GNG7: variants seen among roughly 807,000 people sequenced by gnomAD.
GNG7 encodes the protein G protein subunit gamma 7, also known as guanine nucleotide-binding protein G(I)/G(S)/G(O) subunit gamma-7.
A neutral mutation model predicts 4.0 loss-of-function variants in GNG7; 1 was observed. That is an observed-to-expected ratio of 0.25 (90% CI 0.09 to 1.18). The LOEUF (loss-of-function observed/expected upper bound fraction) is 1.18, where lower values mean the gene tolerates loss of function less well. Ranked by LOEUF, GNG7 falls within the 50% of genes most tolerant of loss-of-function variation. GNG7 has a pLI of 0.50. For missense variants in GNG7, 86 were observed against 91.9 expected, an observed-to-expected ratio of 0.94 and a Z score of 0.26; for synonymous variants, 34 against 36.9, an observed-to-expected ratio of 0.92 and a Z score of 0.29.
At chr19:2,579,547 C>G (rs1184620993) in intron 2 of GNG7, among the ~76,000 whole-genome samples, 1 of 152,342 alleles carries the variant, frequency 6.6e-6, no homozygotes, top group East Asian at 1.9e-4. Context: ...CCTCTGAGGT[C>G]TCCAAGTGTT....
At chr19:2,669,445 G>A (rs1306056827) in intron 1 of GNG7, among the ~76,000 whole-genome samples, 5 of 152,110 alleles carry the variant, frequency 3.3e-5, no homozygotes, top group Non-Finnish European at 7.4e-5. Flanking sequence ...AGCCGGGATC[G>A]TGCCACTGCA....
At position 2,644,380 on chromosome 19, in the gene GNG7, T is replaced by A. The variant is rs541774491; in HGVS notation, c.-78+1844A>T. Reference sequence around the variant, plus strand: ...ATATATATATATATATATATATATATAATGCTCTATCTATACATGCATCAT... The same window carrying A: ...ATATATATATATATATATATATATAAAATGCTCTATCTATACATGCATCAT... On this transcript the variant is annotated intron_variant, in intron 2 of 4. Coordinates refer to ENST00000382159, the MANE Select transcript of GNG7 (RefSeq NM_052847.3). Among the ~76,000 whole-genome samples, 147 of 123,502 alleles carry A rather than the reference T, an allele frequency of 1.2e-3. 8 individuals carry two copies. Among genetic ancestry groups the A allele is most frequent in the South Asian group, 3.5e-3 (14 of 4,020 alleles). The allele number at this position is 123,502 out of a possible 152,430, so 81.0% of individuals were successfully genotyped here. A position where few individuals can be genotyped will look rare whatever the true frequency, so the allele number is the denominator to read the frequency against.
Position 2,546,712 on chromosome 19 carries a change from G to T in GNG7, c.-38+8437C>A, listed in dbSNP as rs1158641494. 6.6e-6 allele frequency among the ~76,000 whole-genome samples: 1 copy of T among 152,222 alleles called. No individual in the cohort carries two copies. The highest frequency in any genetic ancestry group is 1.5e-5 in the Non-Finnish European group (1 of 68,036). On this transcript the variant is annotated intron_variant, in intron 3 of 4. Coordinates refer to ENST00000382159, the MANE Select transcript of GNG7 (RefSeq NM_052847.3). The surrounding 1 kb of genome is among the most constrained non-coding windows in gnomAD (Gnocchi z 6.3). The stretch of plus-strand genomic sequence containing the variant: ...GACAAAGAGGCCGCGACGACAGAGG[G>T]TGACGCGCCGCCAGTGTGGGTTTGG...
chr19:2,590,090 G>A (rs931844297), intron 2 of GNG7, among the ~76,000 whole-genome samples: 10 of 152,204 alleles, frequency 6.6e-5, no homozygotes, highest in Non-Finnish European at 1.5e-5. Flanking sequence ...GGGATTAGAG[G>A]TGTGTGAGTC....
chr19:2,695,256 C>T (rs1913217227), intron 1 of GNG7, among the ~76,000 whole-genome samples: 1 of 151,606 alleles, frequency 6.6e-6, no homozygotes. Context: ...TCGTGGCCTC[C>T]TGTCTGGACC....
rs1432065100 is a variant in GNG7, at chr19:2,513,008, G to T, written c.*2014C>A. 1.0e-6 allele frequency: 1 copy of T among 985,458 alleles called. No homozygotes were observed. The highest frequency in any genetic ancestry group is 4.7e-5 in the South Asian group (1 of 21,294). The allele number at this position is 985,458 out of a possible 1,614,324, so 61.0% of individuals were successfully genotyped here. ...GGCCAACAGCAGGTTTGGCGGGTAG[G>T]GCTCCCCGAAGCCCCAGCCCTCCCG... On this transcript the variant is annotated 3_prime_UTR_variant, in exon 5 of 5. Coordinates refer to ENST00000382159, the MANE Select transcript of GNG7 (RefSeq NM_052847.3).
At chr19:2,695,181 C>A (rs78069323) in intron 1 of GNG7, among the ~76,000 whole-genome samples, 4,580 of 152,036 alleles carry the variant, frequency 0.03, 250 homozygotes, top group African/African-American at 0.1. Context: ...TCTGTGTACC[C>A]ACCAAGATGG....
At chr19:2,593,570 C>G (rs138507400) in intron 2 of GNG7, among the ~76,000 whole-genome samples, 28 of 151,956 alleles carry the variant, frequency 1.8e-4, no homozygotes, top group Admixed American at 3.9e-4. Context: ...AAGGCGAAAC[C>G]TCGTCTCTAC....
At chr19:2,655,325 C>T (rs1284891794) in intron 1 of GNG7, among the ~76,000 whole-genome samples, 1 of 151,964 alleles carries the variant, frequency 6.6e-6, no homozygotes, top group Non-Finnish European at 1.5e-5. Flanking sequence ...TGAAAAAACG[C>T]TGAAGATCAT....
At position 2,529,614 on chromosome 19, in the gene GNG7, G is replaced by A. The variant is rs80194799; in HGVS notation, c.-37-8889C>T. Among the ~76,000 whole-genome samples, 1,076 of 152,326 alleles carry A rather than the reference G, an allele frequency of 7.1e-3. 22 individuals carry two copies. Among genetic ancestry groups the A allele is most frequent in the African/African-American group, 0.023 (952 of 41,580 alleles). On this transcript the variant is annotated intron_variant, in intron 3 of 4. Coordinates refer to ENST00000382159, the MANE Select transcript of GNG7 (RefSeq NM_052847.3). The stretch of plus-strand genomic sequence containing the variant: ...GTGAGAGGAGAGTCTTGTAAGCTCC[G>A]TGATGAGTTCCAGAAGTCCAGGGTG...
intron 2 of GNG7, among the ~76,000 whole-genome samples, chr19:2,571,887 C>A (rs1476024130): frequency 6.6e-6 from 1 of 151,998 alleles, no homozygotes; most frequent in Non-Finnish European, 1.5e-5. Context: ...TGAGCCACTG[C>A]GCCCGGCCAG....
rs915660476 is a variant in GNG7 at position 2,513,522 on chromosome 19, G to C, written c.*1500C>G. 1.0e-6 allele frequency: 1 copy of C among 985,424 alleles called. No homozygotes were observed. 61.0% of individuals were successfully genotyped at this position (985,424 alleles called of 1,614,324 possible). A position where few individuals can be genotyped will look rare whatever the true frequency, so the allele number is the denominator to read the frequency against. On this transcript the variant is annotated 3_prime_UTR_variant, in exon 5 of 5. Transcript: ENST00000382159. The stretch of plus-strand genomic sequence containing the variant: ...AGTCATCTTTCAGAAGCCTCCCCCC[G>C]ACCCCATGACATCTTCGATTTCCAC...
chr19:2,596,670 C>CG (rs1051660723), intron 2 of GNG7, among the ~76,000 whole-genome samples: 2 of 150,802 alleles, frequency 1.3e-5, no homozygotes, highest in African/African-American at 2.4e-5. Context: ...CCCTGTCCCC[C>CG]CCCCAAAAAA....
intron 2 of GNG7, among the ~76,000 whole-genome samples, chr19:2,575,666 G>A (rs1980296378): frequency 1.5e-5 from 2 of 132,794 alleles, no homozygotes; most frequent in South Asian, 4.9e-4. Context: ...GGCACACGCA[G>A]GCACATGCAG....
At chr19:2,657,375 T>A (rs200614081) in intron 1 of GNG7, among the ~76,000 whole-genome samples, 409 of 37,328 alleles carry the variant, frequency 0.011, 54 homozygotes, top group Non-Finnish European at 0.021. Context: ...TATATATATA[T>A]ATATATATAT....
chr19:2,562,435 C>T (rs1979772633), intron 2 of GNG7, among the ~76,000 whole-genome samples: 1 of 152,130 alleles, frequency 6.6e-6, no homozygotes, highest in African/African-American at 2.4e-5. Context: ...AGGCGTGAGC[C>T]ACCGCGCCCC....
intron 1 of GNG7, chr19:2,683,835 C>A (rs1983803988): frequency 6.6e-6 from 1 of 152,296 alleles, no homozygotes; most frequent in Non-Finnish European, 1.5e-5. Flanking sequence ...GACGGGCTTG[C>A]TGCCGGGAGG....
intron 1 of GNG7, among the ~76,000 whole-genome samples, chr19:2,652,212 T>C (rs1247127788): frequency 2.6e-5 from 4 of 151,346 alleles, no homozygotes; most frequent in African/African-American, 9.7e-5. Flanking sequence ...GCCATAAAAT[T>C]CCCCCTTGTA....
chr19:2,668,739 A>G (rs1316851021), intron 1 of GNG7, among the ~76,000 whole-genome samples: 1 of 152,122 alleles, frequency 6.6e-6, no homozygotes, highest in African/African-American at 2.4e-5. Context: ...GACAACTGAT[A>G]ATATGCCGTG....
Sources: gnomAD v4.1 joint callset for allele counts (sites outside exome capture counted in the v4.1 genomes callset) on GRCh38, gnomAD v4.1.1 for gene constraint, Gnocchi (gnomAD v3.1) non-coding constraint, MANE v1.5 for transcripts, NCBI Gene and HGNC (gene_info 2026-07-23, HGNC 2026-07-21) for gene names.